Variants in TTC28 observed in about 807,000 individuals in gnomAD.
The protein encoded by TTC28 is tetratricopeptide repeat domain 28, also known as tetratricopeptide repeat protein 28.
A neutral mutation model predicts 198.0 loss-of-function variants in TTC28; 61 were observed. That is an observed-to-expected ratio of 0.31 (90% CI 0.25 to 0.38). The LOEUF is 0.38. TTC28 is among the 10% of genes least tolerant of loss of function. TTC28 has a pLI of 1.00. For missense variants in TTC28, 2,678 were observed against 3,164.0 expected (o/e 0.85, Z 3.69); for synonymous variants, 1,171 against 1,297.8 (o/e 0.90, Z 2.10).
chr22:28,578,352 C>A (rs2050182448), intron 2 of TTC28, among the ~76,000 whole-genome samples: 1 of 152,056 alleles, frequency 6.6e-6, no homozygotes, highest in Non-Finnish European at 1.5e-5. Flanking sequence ...ATAGGTTTAT[C>A]TTTTAGTCTT....
chr22:28,306,121 T>C (rs989689115), intron 3 of TTC28, among the ~76,000 whole-genome samples: 1 of 152,204 alleles, frequency 6.6e-6, no homozygotes, highest in African/African-American at 2.4e-5. Context: ...CCATCTGAGA[T>C]TCAATTTCCT....
chr22:28,623,005 T>C (rs1459757101), intron 2 of TTC28, among the ~76,000 whole-genome samples: 2 of 151,960 alleles, frequency 1.3e-5, no homozygotes, highest in Admixed American at 1.3e-4. Flanking sequence ...TATTTTTTAG[T>C]AGAGATGGGG....
At chr22:28,530,837 T>A (rs1029889945) in intron 2 of TTC28, among the ~76,000 whole-genome samples, 1 of 151,980 alleles carries the variant, frequency 6.6e-6, no homozygotes, top group African/African-American at 2.4e-5. Flanking sequence ...AGAAATAAAA[T>A]CCTTTACAGA....
chr22:28,313,137 G>A (rs751561488), intron 2 of TTC28, among the ~76,000 whole-genome samples: 7 of 151,946 alleles, frequency 4.6e-5, no homozygotes, highest in Admixed American at 1.3e-4. Context: ...TCCTTGACAC[G>A]TACACTCACC....
At chr22:28,636,188 C>T (rs566607293) in intron 1 of TTC28, among the ~76,000 whole-genome samples, 38 of 120,326 alleles carry the variant, frequency 3.2e-4, no homozygotes, top group Middle Eastern at 7.4e-3. Context: ...GGCAGTGGCA[C>T]GATCTTGGCT....
At position 27,998,819 on chromosome 22, in the gene TTC28, G is replaced by A. The variant is rs769434107; in HGVS notation, c.4840C>T (p.Leu1614=). ...ACCACCAGCTTCACAGGCAGCTGCA[G>A]GTCCAGGACGTCGGCGGCAGTAAGC... The part of the protein sequence containing the change: ...LLLTAADVLD[L]QLPVKLVVLG... The change falls in exon 16 of 23, where the codon CTG becomes TTG. Residue 1614 remains leucine (L), a synonymous_variant. Coordinates refer to ENST00000397906, the MANE Select transcript of TTC28 (RefSeq NM_001145418.2). 4.5e-6 allele frequency: 7 copies of A among 1,550,500 alleles called. No homozygotes were observed. The South Asian group carries it at 5.9e-5, about 13-fold the overall frequency.
intron 2 of TTC28, among the ~76,000 whole-genome samples, chr22:28,439,164 G>C (rs570268563): frequency 6.6e-6 from 1 of 152,170 alleles, no homozygotes; most frequent in Non-Finnish European, 1.5e-5. Flanking sequence ...GTAAAATATG[G>C]TTCCTGAACT....
chr22:28,357,266 G>A (rs1415651576), intron 2 of TTC28, among the ~76,000 whole-genome samples: 1 of 151,106 alleles, frequency 6.6e-6, no homozygotes, highest in Non-Finnish European at 1.5e-5. Flanking sequence ...TTCTCTACAT[G>A]AGCCACTGGT....
chr22:28,066,374 T>A (rs1403334352), intron 12 of TTC28, among the ~76,000 whole-genome samples: 3 of 151,290 alleles, frequency 2.0e-5, no homozygotes, highest in African/African-American at 7.3e-5. Flanking sequence ...ACTGGCAAAT[T>A]TCAAGCGTAC....
At chr22:28,246,358 G>A (rs1930094835) in intron 5 of TTC28, among the ~76,000 whole-genome samples, 1 of 152,058 alleles carries the variant, frequency 6.6e-6, no homozygotes, top group African/African-American at 2.4e-5. Flanking sequence ...CATAAAACAG[G>A]TATTCAAGAA....
intron 5 of TTC28, among the ~76,000 whole-genome samples, chr22:28,169,727 G>A (rs1010865599): frequency 6.6e-6 from 1 of 151,980 alleles, no homozygotes; most frequent in East Asian, 1.9e-4. Flanking sequence ...GCTAAATGAC[G>A]AGTTAATGGG....
chr22:28,556,359 A>G (rs2049786220), intron 2 of TTC28, among the ~76,000 whole-genome samples: 2 of 151,426 alleles, frequency 1.3e-5, no homozygotes, highest in African/African-American at 4.8e-5. Context: ...ACCCTGTCTC[A>G]AAAAAAAAGC....
At chr22:28,393,098 G>C (rs2146076390) in intron 2 of TTC28, among the ~76,000 whole-genome samples, 1 of 151,972 alleles carries the variant, frequency 6.6e-6, no homozygotes, top group South Asian at 2.1e-4. Context: ...GCTCAGGCTG[G>C]TCTCAAACTC....
chr22:28,274,824 A>G (rs1379983041), intron 5 of TTC28, among the ~76,000 whole-genome samples: 1 of 152,036 alleles, frequency 6.6e-6, no homozygotes, highest in African/African-American at 2.4e-5. Flanking sequence ...TACTAAAAAT[A>G]CAAAATTTGC....
chr22:27,983,916 A>G, intron 22 of TTC28, 65 bp from the exon 23 acceptor site: 1 of 1,468,370 alleles, frequency 6.8e-7, no homozygotes, highest in Non-Finnish European at 9.0e-7. Context: ...TTTTTCTTTC[A>G]AAATTTACGA....
intron 2 of TTC28, among the ~76,000 whole-genome samples, chr22:28,589,537 T>C (rs1258104694): frequency 6.6e-6 from 1 of 152,242 alleles, no homozygotes; most frequent in South Asian, 2.1e-4. Context: ...CCTGTCTATA[T>C]TGACTGCCCA....
chr22:28,416,212 T>G (rs2047166057), intron 2 of TTC28, among the ~76,000 whole-genome samples: 1 of 152,182 alleles, frequency 6.6e-6, no homozygotes, highest in Non-Finnish European at 1.5e-5. Context: ...CCACCTCTGG[T>G]TCCATTAACT....
At chr22:28,368,977 T>C (rs1715770163) in intron 2 of TTC28, among the ~76,000 whole-genome samples, 1 of 152,040 alleles carries the variant, frequency 6.6e-6, no homozygotes, top group African/African-American at 2.4e-5. Flanking sequence ...CAAAGGAATC[T>C]ACGGATTCAA....
intron 5 of TTC28, among the ~76,000 whole-genome samples, chr22:28,185,006 C>T (rs997851394): frequency 3.3e-5 from 5 of 152,112 alleles, no homozygotes; most frequent in Non-Finnish European, 7.4e-5. Flanking sequence ...CAGCAAATAC[C>T]TGAGGAATCG....
Sources: gnomAD v4.1 joint callset for allele counts (sites outside exome capture counted in the v4.1 genomes callset) on GRCh38, gnomAD v4.1.1 for gene constraint, MANE v1.5 for transcripts, NCBI Gene and HGNC (gene_info 2026-07-23, HGNC 2026-07-21) for gene names.